The following SMYD3 variants were observed in gnomAD, a reference collection of about 807,000 sequenced individuals.
SMYD3 encodes the protein SET and MYND domain containing 3.
Under a neutral mutation model 57.7 loss-of-function variants are expected in SMYD3, and 36 were observed. That is an observed-to-expected ratio of 0.62 (90% CI 0.48 to 0.82). SMYD3 has a LOEUF of 0.82. SMYD3 is among the 40% of genes least tolerant of loss of function. SMYD3 has a pLI of 0.00. For synonymous variants in SMYD3, 211 were observed against 195.0 expected (o/e 1.08, Z -0.68); for missense variants, 515 against 538.8 (o/e 0.96, Z 0.44).
At chr1:246,340,889 C>T (rs974575728) in intron 2 of SMYD3, among the ~76,000 whole-genome samples, 3 of 152,094 alleles carry the variant, frequency 2.0e-5, no homozygotes, top group Non-Finnish European at 4.4e-5. Flanking sequence ...GAGGATCACT[C>T]CCAGCTATGC....
chr1:245,841,287 A>G (rs1449797102), intron 10 of SMYD3, among the ~76,000 whole-genome samples: 1 of 152,240 alleles, frequency 6.6e-6, no homozygotes, highest in African/African-American at 2.4e-5. Flanking sequence ...TAAATAGCCA[A>G]AAAGTGAGTA....
chr1:245,901,535 T>C (rs1226480449), intron 8 of SMYD3, among the ~76,000 whole-genome samples: 1 of 152,196 alleles, frequency 6.6e-6, no homozygotes, highest in South Asian at 2.1e-4. Context: ...GTTACATAAG[T>C]GATCTCAATC....
chr1:246,039,974 T>A (rs2059840049), intron 5 of SMYD3, among the ~76,000 whole-genome samples: 1 of 152,210 alleles, frequency 6.6e-6, no homozygotes, highest in Non-Finnish European at 1.5e-5. Flanking sequence ...GCAGCATTGA[T>A]TAGTACCATT....
intron 5 of SMYD3, among the ~76,000 whole-genome samples, chr1:246,038,940 A>T (rs1444536557): frequency 6.6e-6 from 1 of 152,242 alleles, no homozygotes; most frequent in African/African-American, 2.4e-5. Context: ...AAAATAGGCA[A>T]GACTTTCAGG....
At chr1:246,061,151 A>T (rs1047908093) in intron 5 of SMYD3, among the ~76,000 whole-genome samples, 2 of 152,130 alleles carry the variant, frequency 1.3e-5, no homozygotes, top group Non-Finnish European at 2.9e-5. Flanking sequence ...TGAACCCAGG[A>T]GGCGGAGCTT....
At chr1:245,776,609 G>T (rs763451239) in intron 10 of SMYD3, among the ~76,000 whole-genome samples, 1 of 152,210 alleles carries the variant, frequency 6.6e-6, no homozygotes, top group Non-Finnish European at 1.5e-5. Context: ...AATCACTACA[G>T]ATGCCAAGTA....
intron 10 of SMYD3, among the ~76,000 whole-genome samples, chr1:245,850,354 C>T (rs1189862918): frequency 6.6e-6 from 1 of 152,146 alleles, no homozygotes; most frequent in Non-Finnish European, 1.5e-5. Flanking sequence ...CTATTTTACA[C>T]ATTATTTTAT....
chr1:246,443,046 TCTTC>T (rs1194284658), intron 1 of SMYD3, among the ~76,000 whole-genome samples: 1 of 152,222 alleles, frequency 6.6e-6, no homozygotes, highest in African/African-American at 2.4e-5. Flanking sequence ...GTATGGTAGC[TCTTC>T]CTATTTTGGA....
At chr1:246,144,636 G>A (rs1406080143) in intron 5 of SMYD3, among the ~76,000 whole-genome samples, 1 of 152,208 alleles carries the variant, frequency 6.6e-6, no homozygotes, top group Middle Eastern at 3.4e-3. Context: ...AATGACAGGA[G>A]CATATCATAA....
chr1:245,948,224 C>CGAAACAGCAGGACGGAATCGCAACTG (rs1485126803), intron 5 of SMYD3, among the ~76,000 whole-genome samples: 5 of 152,154 alleles, frequency 3.3e-5, no homozygotes, highest in African/African-American at 9.6e-5. Flanking sequence ...AAAGAAGAAT[C>CGAAACAGCAGGACGGAATCGCAACTG]GAAACAGCAG....
chr1:246,405,860 A>C (rs2066855348), intron 1 of SMYD3, among the ~76,000 whole-genome samples: 1 of 149,208 alleles, frequency 6.7e-6, no homozygotes, highest in African/African-American at 2.5e-5. Context: ...CAGTGAGCCC[A>C]GATGGCGCCA....
At chr1:246,504,593 G>A (rs1044721848) in intron 1 of SMYD3, among the ~76,000 whole-genome samples, 3 of 152,084 alleles carry the variant, frequency 2.0e-5, no homozygotes, top group Non-Finnish European at 4.4e-5. Flanking sequence ...ATCAATATCT[G>A]TTTTTTTAAT....
At chr1:246,289,655 A>G (rs548145599) in intron 5 of SMYD3, among the ~76,000 whole-genome samples, 1 of 152,354 alleles carries the variant, frequency 6.6e-6, no homozygotes. Context: ...GACATTTTAT[A>G]AGATAATTCG....
intron 5 of SMYD3, among the ~76,000 whole-genome samples, chr1:246,175,743 T>C (rs2062422123): frequency 1.3e-5 from 2 of 152,194 alleles, no homozygotes; most frequent in East Asian, 3.8e-4. Context: ...TAGAGGGTAA[T>C]TTACTGGCAT....
intron 11 of SMYD3, among the ~76,000 whole-genome samples, chr1:245,754,070 G>A (rs1470519181): frequency 1.3e-5 from 2 of 152,086 alleles, no homozygotes; most frequent in Non-Finnish European, 2.9e-5. Flanking sequence ...AATGTCACAT[G>A]AGAAAAGCAG....
chr1:245,902,402 C>G (rs2054249390), intron 8 of SMYD3, among the ~76,000 whole-genome samples: 1 of 152,230 alleles, frequency 6.6e-6, no homozygotes, highest in Non-Finnish European at 1.5e-5. Flanking sequence ...AGAACCAGCT[C>G]TCTGGGGCAC....
chr1:246,371,442 T>A (rs1282258682), intron 1 of SMYD3, among the ~76,000 whole-genome samples: 1 of 152,196 alleles, frequency 6.6e-6, no homozygotes, highest in African/African-American at 2.4e-5. Context: ...ATCTAAGAGA[T>A]GTGTTCAATT....
chr1:246,497,139 A>G (rs191707143), intron 1 of SMYD3, among the ~76,000 whole-genome samples: 4 of 147,284 alleles, frequency 2.7e-5, no homozygotes, highest in Non-Finnish European at 6.2e-5. Flanking sequence ...TTGTAGTAAT[A>G]AACTGTAAGG....
At chr1:246,194,264 G>GTT (rs888463821) in intron 5 of SMYD3, among the ~76,000 whole-genome samples, 2 of 148,744 alleles carry the variant, frequency 1.3e-5, no homozygotes, top group African/African-American at 5.0e-5. Flanking sequence ...TTCTTGTGGG[G>GTT]TTTTTTTGTT....
Sources: gnomAD v4.1 joint callset for allele counts (sites outside exome capture counted in the v4.1 genomes callset) on GRCh38, gnomAD v4.1.1 for gene constraint, MANE v1.5 for transcripts, NCBI Gene and HGNC (gene_info 2026-07-23, HGNC 2026-07-21) for gene names.